The following POM121 variants were observed in gnomAD, a reference collection of about 807,000 sequenced individuals.
POM121 encodes the protein nuclear envelope pore membrane protein POM 121.
In POM121, 32 loss-of-function variants were observed where a neutral mutation model predicts 81.3. The observed-to-expected ratio is 0.39, with a 90% CI of 0.30 to 0.53. POM121 has a LOEUF of 0.53. POM121 is among the 20% of genes least tolerant of loss of function. POM121 has a pLI of 0.66. For missense variants in POM121, 1,138 were observed against 1,614.6 expected (o/e 0.70, Z 5.06); for synonymous variants, 514 against 694.2 (o/e 0.74, Z 4.08).
chr7:72,925,251 C>T lies in POM121; in HGVS notation c.130C>T (p.Leu44Phe), dbSNP rs141884613. ...GCTCCTGGGCCTGTCGCTGGTTGGC[C>T]TCTTACTGTACCTCGTGCCGGCTGC... ...AVLLGLSLVGLLLYLVPAAAA... is the reference protein window; with the variant it reads ...AVLLGLSLVGFLLYLVPAAAA... Residue 44 changes from leucine (L) to phenylalanine (F), a missense_variant, in exon 1 of 13, where the codon CTC (leucine) becomes TTC (phenylalanine). Transcript: ENST00000434423. The T allele has an allele frequency of 0.016, 25,009 of 1,534,358 alleles. 256 individuals are homozygous for T. Among genetic ancestry groups the T allele is most frequent in the Non-Finnish European group, 0.019 (22,211 of 1,146,278 alleles).
upstream of POM121, among the ~76,000 whole-genome samples, chr7:72,921,462 G>A (rs187707067): frequency 7.7e-4 from 117 of 152,192 alleles, 1 homozygote; most frequent in Admixed American, 5.3e-3. Context: ...TCCTCAGCCC[G>A]GTGGGATCTC....
At chr7:72,948,756 C>T (rs547971016), downstream of POM121, 182 of 1,577,356 alleles carry the variant, frequency 1.2e-4, 2 homozygotes, top group Admixed American at 2.9e-3. Flanking sequence ...TGCTCGGCAC[C>T]CGGGAACGTG....
chr7:72,941,404 A>G (rs1244957518), intron 10 of POM121, among the ~76,000 whole-genome samples: 1 of 149,350 alleles, frequency 6.7e-6, no homozygotes, highest in African/African-American at 2.5e-5. Flanking sequence ...CCAGGCCTTC[A>G]CGGCACTGCG....
chr7:72,910,438 A>C (rs749609039), intron 3 of POM121, among the ~76,000 whole-genome samples: 28 of 152,102 alleles, frequency 1.8e-4, no homozygotes, highest in Non-Finnish European at 3.2e-4. Flanking sequence ...GGGAACGGGA[A>C]ATGGGTTGGA....
At chr7:72,920,451 C>T (rs1794704105), upstream of POM121, among the ~76,000 whole-genome samples, 2 of 151,156 alleles carry the variant, frequency 1.3e-5, no homozygotes, top group Admixed American at 6.6e-5. Flanking sequence ...TGGGTTCACG[C>T]CATTCTCCTG....
chr7:72,897,054 T>G (rs1301463777), intron 3 of POM121, among the ~76,000 whole-genome samples: 1 of 151,830 alleles, frequency 6.6e-6, no homozygotes, highest in African/African-American at 2.4e-5. Context: ...AATACAAAAA[T>G]TAGCCAGAAA....
chr7:72,927,060 T>A, intron 3 of POM121, 97 bp downstream of exon 3: 2 of 1,582,290 alleles, frequency 1.3e-6, no homozygotes, highest in Non-Finnish European at 1.7e-6. Flanking sequence ...CCATCTCCAG[T>A]TTATGAGCCT....
At chr7:72,890,461 A>G (rs1248027041) in intron 1 of POM121, among the ~76,000 whole-genome samples, 1 of 152,152 alleles carries the variant, frequency 6.6e-6, no homozygotes, top group Non-Finnish European at 1.5e-5. Context: ...TATATATATA[A>G]AGGACCCCAA....
In POM121 at chr7:72,946,363, A is replaced by C. The variant is rs1797691887; in HGVS notation, c.*129A>C. On this transcript the variant is annotated 3_prime_UTR_variant, in exon 13 of 13. Coordinates refer to ENST00000434423, the MANE Select transcript of POM121 (RefSeq NM_001387691.1). ...CCCCGGATCTCTGGCTTCAGCCGCC[A>C]GGGGGCAGTGGCAGCCCTGGGGCCC... 6.9e-7 allele frequency: 1 copy of C among 1,442,798 alleles called. No homozygotes were observed. The allele number at this position is 1,442,798 out of a possible 1,614,324, so 89.4% of individuals were successfully genotyped here.
At chr7:72,939,079 G>A (rs1271650711) in intron 6 of POM121, among the ~76,000 whole-genome samples, 1 of 152,238 alleles carries the variant, frequency 6.6e-6, no homozygotes, top group Non-Finnish European at 1.5e-5. Context: ...CCAGGGACTT[G>A]ATAGGTTGTA....
At chr7:72,928,035 G>A (rs782722831) in intron 3 of POM121, among the ~76,000 whole-genome samples, 7 of 151,806 alleles carry the variant, frequency 4.6e-5, no homozygotes, top group African/African-American at 1.2e-4. Context: ...GTGAGACCTC[G>A]CCTCTACAAA....
In POM121 at chr7:72,925,405, T is replaced by C. The variant is rs1795297952; in HGVS notation, c.284T>C (p.Phe95Ser). Residue 95 changes from phenylalanine (F) to serine (S), a missense_variant, in exon 1 of 13, where the codon TTC becomes TCC. Phe to Ser is a radical substitution (Grantham distance 155). Coordinates refer to ENST00000434423, the MANE Select transcript of POM121 (RefSeq NM_001387691.1). ...CGTCATCGGCGCCCCTTGTCCTCCT[T>C]CGTTCGGAAGGCGCGTCATCGGCGA... ...KARHRRPLSS[F>S]VRKARHRRTL... 3 of 1,531,526 alleles carry C rather than the reference T, an allele frequency of 2.0e-6. No individual in the cohort carries two copies. The Admixed American group carries it at 5.9e-5, about 30-fold the overall frequency. The allele number at this position is 1,531,526 out of a possible 1,614,324, so 94.9% of individuals were successfully genotyped here.
intron 3 of POM121, among the ~76,000 whole-genome samples, chr7:72,903,933 G>A (rs377583936): frequency 2.2e-4 from 34 of 152,250 alleles, no homozygotes; most frequent in African/African-American, 6.0e-4. Context: ...GGCTTGTGCC[G>A]CCACACCTGG....
chr7:72,880,626 CA>C (rs1554489165), intron 1 of POM121, among the ~76,000 whole-genome samples: 1 of 152,024 alleles, frequency 6.6e-6, no homozygotes, highest in African/African-American at 2.4e-5. Flanking sequence ...CAGTGGCTCA[CA>C]CCTGTAATCC....
intron 3 of POM121, among the ~76,000 whole-genome samples, chr7:72,910,565 T>G (rs2906957): frequency 5.9e-5 from 9 of 151,874 alleles, no homozygotes; most frequent in East Asian, 1.9e-4. Context: ...ACACAGTCTT[T>G]CCAGTGCTTG....
intron 1 of POM121, among the ~76,000 whole-genome samples, chr7:72,886,714 T>C (rs2129574581): frequency 6.6e-6 from 1 of 152,214 alleles, no homozygotes; most frequent in Admixed American, 6.6e-5. Context: ...GCTTTAAATA[T>C]GTTTCTCTGT....
chr7:72,920,512 G>A (rs555511180), upstream of POM121, among the ~76,000 whole-genome samples: 7 of 151,716 alleles, frequency 4.6e-5, no homozygotes, highest in Admixed American at 3.3e-4. Context: ...CCATCACCAC[G>A]CCCAGCTGAT....
intron 2 of POM121, 132 bp downstream of exon 2, chr7:72,926,609 C>T (rs1795472851): frequency 6.7e-7 from 1 of 1,491,652 alleles, no homozygotes; most frequent in East Asian, 2.4e-5. Context: ...ATACCAAATT[C>T]TAGTAAACCC....
At chr7:72,910,337 TA>T (rs1452281215) in intron 3 of POM121, among the ~76,000 whole-genome samples, 1 of 152,206 alleles carries the variant, frequency 6.6e-6, no homozygotes, top group Admixed American at 6.5e-5. Context: ...GAGTTATTAT[TA>T]AACAGAACTT....
Sources: allele counts gnomAD v4.1 joint callset (sites outside exome capture counted in the v4.1 genomes callset), GRCh38; gene constraint gnomAD v4.1.1; transcripts MANE v1.5; gene names NCBI Gene and HGNC (gene_info 2026-07-23, HGNC 2026-07-21).